The following EXOC6B variants were observed in gnomAD, a reference collection of about 807,000 sequenced individuals.
The protein encoded by EXOC6B is exocyst complex component 6B.
A neutral mutation model predicts 113.5 loss-of-function variants in EXOC6B; 54 were observed. That is an observed-to-expected ratio of 0.48 (90% confidence interval 0.38 to 0.60). EXOC6B has a LOEUF of 0.60. Among genes scored for constraint, EXOC6B ranks in the 20% least tolerant of loss-of-function variants. The probability of loss-of-function intolerance (pLI) is 0.00; values close to 1 mark genes in which losing one functional copy is unlikely to be tolerated. For missense variants in EXOC6B, 797 were observed against 977.5 expected, an observed-to-expected ratio of 0.82 and a Z score of 2.46; for synonymous variants, 357 against 339.0, an observed-to-expected ratio of 1.05 and a Z score of -0.58.
intron 1 of EXOC6B, among the ~76,000 whole-genome samples, chr2:72,818,446 C>T (rs1029659616): frequency 1.3e-5 from 2 of 151,696 alleles, no homozygotes; most frequent in African/African-American, 4.8e-5. Context: ...CAGGCGTGAG[C>T]CACCGTGCCA....
At chr2:72,216,953 A>G (rs1236352078) in intron 20 of EXOC6B, among the ~76,000 whole-genome samples, 1 of 151,130 alleles carries the variant, frequency 6.6e-6, no homozygotes, top group Non-Finnish European at 1.5e-5. Context: ...AGGCAGGAGA[A>G]TTGCTTGAAC....
intron 6 of EXOC6B, among the ~76,000 whole-genome samples, chr2:72,695,554 T>A (rs1162414318): frequency 6.6e-6 from 1 of 152,070 alleles, no homozygotes; most frequent in Non-Finnish European, 1.5e-5. Flanking sequence ...TATTAAAGCA[T>A]AGATGAAGTG....
intron 7 of EXOC6B, among the ~76,000 whole-genome samples, chr2:72,572,486 C>T (rs1056007291): frequency 5.3e-5 from 8 of 152,150 alleles, no homozygotes; most frequent in Admixed American, 1.3e-4. Flanking sequence ...AATATATGTA[C>T]GTTTTACTGG....
At chr2:72,189,004 G>A (rs1678633043) in intron 20 of EXOC6B, among the ~76,000 whole-genome samples, 1 of 152,086 alleles carries the variant, frequency 6.6e-6, no homozygotes, top group African/African-American at 2.4e-5. Context: ...AAATACTTCA[G>A]TGTTCCTAAG....
chr2:72,431,485 TTATCTATCTATC>T (rs3062440), intron 18 of EXOC6B, among the ~76,000 whole-genome samples: 1,381 of 133,880 alleles, frequency 0.01, 14 homozygotes, highest in Non-Finnish European at 0.013. Flanking sequence ...CTTGATTTCT[TTATCTATCTATC>T]TATCTATCTA....
chr2:72,825,671 A>C lies in EXOC6B; in HGVS notation c.113+127T>G, dbSNP rs1297783505. 1.7e-6 allele frequency: 2 copies of C among 1,176,410 alleles called. No individual in the cohort carries two copies. Among genetic ancestry groups the C allele is most frequent in the Non-Finnish European group, 2.3e-6 (2 of 885,004 alleles). The allele number at this position is 1,176,410 out of a possible 1,614,324, so 72.9% of individuals were successfully genotyped here. ...CGAAGGGAGACCCGCCTCGCCCGGTATGCAGGGTCTCTCCGAAGGGAGGGG... is the reference window on the plus strand; with the variant it reads ...CGAAGGGAGACCCGCCTCGCCCGGTCTGCAGGGTCTCTCCGAAGGGAGGGG... On this transcript the variant is annotated intron_variant, in intron 1 of 21. Transcript: ENST00000272427. This position sits in a 1 kb window ranked among gnomAD's most constrained non-coding sequence, Gnocchi z 4.4.
At chr2:72,799,677 T>C (rs1395690745) in intron 1 of EXOC6B, among the ~76,000 whole-genome samples, 1 of 152,232 alleles carries the variant, frequency 6.6e-6, no homozygotes, top group Non-Finnish European at 1.5e-5. Context: ...GAATAAACTT[T>C]CCTTTTTGAA....
chr2:72,222,952 T>C (rs1462050632), intron 20 of EXOC6B, among the ~76,000 whole-genome samples: 1 of 152,188 alleles, frequency 6.6e-6, no homozygotes, highest in Non-Finnish European at 1.5e-5. Flanking sequence ...ACTCACTCTC[T>C]CTTCACAGAT....
chr2:72,368,407 G>A (rs971830743), intron 19 of EXOC6B, among the ~76,000 whole-genome samples: 3 of 152,016 alleles, frequency 2.0e-5, no homozygotes, highest in Admixed American at 6.6e-5. Context: ...AGGACCAGAG[G>A]GATTCACAGC....
chr2:72,656,308 T>C (rs1004474491), intron 6 of EXOC6B, among the ~76,000 whole-genome samples: 6 of 152,118 alleles, frequency 3.9e-5, no homozygotes, highest in Non-Finnish European at 5.9e-5. Flanking sequence ...GAAAACTGGA[T>C]AATCTTTTGT....
intron 1 of EXOC6B, among the ~76,000 whole-genome samples, chr2:72,782,469 G>A (rs1684113099): frequency 6.6e-6 from 1 of 152,092 alleles, no homozygotes; most frequent in African/African-American, 2.4e-5. Flanking sequence ...ACTGTGTAAT[G>A]ATTAAGTCAG....
intron 16 of EXOC6B, among the ~76,000 whole-genome samples, chr2:72,490,587 T>C (rs578252053): frequency 6.6e-6 from 1 of 152,130 alleles, no homozygotes; most frequent in Non-Finnish European, 1.5e-5. Context: ...ACCACCATAA[T>C]AGCCAAAACA....
chr2:72,519,250 G>T (rs937469461), intron 8 of EXOC6B, among the ~76,000 whole-genome samples: 1 of 152,040 alleles, frequency 6.6e-6, no homozygotes, highest in African/African-American at 2.4e-5. Context: ...TATTGTAAAC[G>T]GGTGTCATTT....
At chr2:72,562,252 A>G (rs896783555) in intron 7 of EXOC6B, among the ~76,000 whole-genome samples, 1 of 152,148 alleles carries the variant, frequency 6.6e-6, no homozygotes, top group African/African-American at 2.4e-5. Flanking sequence ...GGAATGCTAC[A>G]GGTTTGGAAG....
In EXOC6B at chr2:72,619,819, A is replaced by G. The variant is rs142792227; in HGVS notation, c.670-44151T>C. 7.0e-3 allele frequency among the ~76,000 whole-genome samples: 1,065 copies of G among 152,272 alleles called. 4 individuals are homozygous for G. Among genetic ancestry groups the G allele is most frequent in the Non-Finnish European group, 0.012 (802 of 67,992 alleles). On this transcript the variant is annotated intron_variant, in intron 6 of 21. Coordinates refer to ENST00000272427, the MANE Select transcript of EXOC6B (RefSeq NM_015189.3). Reference sequence around the variant, plus strand: ...ACTCTGCATCCCTGATTGATGTGTGAGCTAGCAGGGGGATCTCCCCAGGGA... The same window carrying G: ...ACTCTGCATCCCTGATTGATGTGTGGGCTAGCAGGGGGATCTCCCCAGGGA...
chr2:72,254,966 A>C (rs1683266288), intron 20 of EXOC6B, among the ~76,000 whole-genome samples: 1 of 152,202 alleles, frequency 6.6e-6, no homozygotes, highest in Non-Finnish European at 1.5e-5. Flanking sequence ...ACCAACACTT[A>C]ATGATTTGGA....
intron 20 of EXOC6B, among the ~76,000 whole-genome samples, chr2:72,264,878 T>C (rs958201262): frequency 1.3e-5 from 2 of 152,130 alleles, no homozygotes; most frequent in African/African-American, 4.8e-5. Context: ...CATGCTGAAC[T>C]GTGAGTCAAT....
chr2:72,731,902 G>A (rs1680663248), intron 3 of EXOC6B, among the ~76,000 whole-genome samples: 1 of 152,130 alleles, frequency 6.6e-6, no homozygotes, highest in African/African-American at 2.4e-5. Context: ...TGATAAGAAA[G>A]AAGCATGATA....
Position 72,265,020 on chromosome 2 carries a change from C to T in EXOC6B, c.2196+69927G>A, listed in dbSNP as rs545969666. 1.0e-3 allele frequency among the ~76,000 whole-genome samples: 153 copies of T among 151,696 alleles called. 1 individual carries two copies. Among genetic ancestry groups the T allele is most frequent in the African/African-American group, 3.3e-3 (135 of 41,378 alleles). The stretch of plus-strand genomic sequence containing the variant: ...ATAAAGATACCTGAAAACGTGGAAG[C>T]GACTTTGGAACTAGGTAACAAGCAG... On this transcript the variant is annotated intron_variant, in intron 20 of 21. Coordinates refer to ENST00000272427, the MANE Select transcript of EXOC6B (RefSeq NM_015189.3).
Sources: allele counts gnomAD v4.1 joint callset (sites outside exome capture counted in the v4.1 genomes callset), GRCh38; gene constraint gnomAD v4.1.1; non-coding constraint Gnocchi (gnomAD v3.1); transcripts MANE v1.5; gene names NCBI Gene and HGNC (gene_info 2026-07-23, HGNC 2026-07-21).